Variants in ATM observed in about 807,000 individuals in gnomAD.
ATM encodes the protein ATM serine/threonine kinase.
Under a neutral mutation model 387.0 loss-of-function variants are expected in ATM, and 308 were observed. The observed-to-expected ratio is 0.80, with a 90% CI of 0.73 to 0.87. The LOEUF (loss-of-function observed/expected upper bound fraction) is 0.87, where lower values mean the gene tolerates loss of function less well. ATM is among the 40% of genes least tolerant of loss of function. The pLI, the probability that ATM is intolerant of heterozygous loss-of-function variation, is 0.00. For synonymous variants in ATM, 1,156 were observed against 1,187.3 expected (o/e 0.97, Z 0.54); for missense variants, 3,312 against 3,560.9 (o/e 0.93, Z 1.78).
intron 20 of ATM, among the ~76,000 whole-genome samples, chr11:108,271,782 A>G (rs2081597451): frequency 6.6e-6 from 1 of 152,254 alleles, no homozygotes; most frequent in South Asian, 2.1e-4. Context: ...TAACACCCTG[A>G]TACTTACAGA....
At chr11:108,224,143 A>C (rs1436835234) in intron 1 of ATM, 2 of 152,208 alleles carry the variant, frequency 1.3e-5, no homozygotes, top group African/African-American at 4.8e-5. Context: ...AGAGGTAGGT[A>C]CTAGTATTGT....
chr11:108,296,444 G>T (rs1477062717), intron 32 of ATM, among the ~76,000 whole-genome samples: 3 of 151,904 alleles, frequency 2.0e-5, no homozygotes, highest in East Asian at 3.9e-4. Context: ...TAGAGACGGG[G>T]TTTCACCATG....
chr11:108,334,678 A>T (rs1305440773), intron 54 of ATM, among the ~76,000 whole-genome samples: 4 of 152,236 alleles, frequency 2.6e-5, no homozygotes, highest in Admixed American at 2.6e-4. Flanking sequence ...TGCCAGATTT[A>T]GCAGTTATAA....
chr11:108,321,657 C>T (rs2085235481), intron 45 of ATM, among the ~76,000 whole-genome samples: 1 of 151,996 alleles, frequency 6.6e-6, no homozygotes, highest in Admixed American at 6.5e-5. Flanking sequence ...GTGGTGGGCG[C>T]CTGTAATCTC....
At chr11:108,305,448 C>T (rs1169295966) in intron 37 of ATM, among the ~76,000 whole-genome samples, 3 of 152,064 alleles carry the variant, frequency 2.0e-5, no homozygotes, top group East Asian at 3.9e-4. Context: ...GGCATGGTGG[C>T]AGGCGCCTAT....
intron 1 of ATM, chr11:108,223,736 A>C (rs1244890841): frequency 6.6e-6 from 1 of 152,228 alleles, no homozygotes; most frequent in East Asian, 1.9e-4. Context: ...GTGATAGGGG[A>C]GTACTCTGAT....
chr11:108,325,919 CAGAG>C (rs2085630035), intron 46 of ATM, 135 bp from the exon 47 acceptor site: 2 of 1,037,958 alleles, frequency 1.9e-6, no homozygotes, highest in South Asian at 1.4e-5. Context: ...GTCATGCAGA[CAGAG>C]AGGTCCTTAA....
chr11:108,329,389 G>C (rs997344419), intron 49 of ATM, 151 bp downstream of exon 49: 14 of 741,570 alleles, frequency 1.9e-5, no homozygotes, highest in Non-Finnish European at 2.8e-5. Context: ...TGGTCTTTTG[G>C]GTTCTTTTCG....
chr11:108,319,264 A>T (rs2085012390), intron 43 of ATM, among the ~76,000 whole-genome samples: 2 of 152,160 alleles, frequency 1.3e-5, no homozygotes, highest in African/African-American at 4.8e-5. Context: ...TATTTTAAAA[A>T]CCTTTTCCTG....
In ATM at chr11:108,332,855, A is replaced by G. The variant is rs587781370; in HGVS notation, c.7882A>G (p.Ile2628Val). Residue 2628 changes from isoleucine (I) to valine (V), a missense_variant, in exon 53 of 63, where the codon ATT becomes GTT. Ile to Val is a conservative substitution (Grantham distance 29). Coordinates refer to ENST00000675843, the MANE Select transcript of ATM (RefSeq NM_000051.4). ...RSVEALCDAY[I>V]ILANLDATQW... is the part of the protein sequence containing the mutation. ...TGTTGAGGCACTTTGTGATGCTTAT[A>G]TTATATTAGCAAACTTAGATGCCAC... The G allele has an allele frequency of 6.2e-7, 1 of 1,613,266 alleles. No individual in the cohort carries two copies. The highest frequency in any genetic ancestry group is 8.5e-7 in the Non-Finnish European group (1 of 1,179,656).
rs756453090 is a variant in ATM, at chr11:108,321,310, A to G, written c.6462A>G (p.Glu2154=). Residue 2154 remains glutamate (E), a synonymous_variant, in exon 45 of 63, where the codon GAA becomes GAG. Coordinates refer to ENST00000675843, the MANE Select transcript of ATM (RefSeq NM_000051.4). The part of the protein sequence containing the change: ...YESLKYARVK[E]VEEMCKRSLE... ...TCTTTTTTGCTACTAGAGTAAAAGA[A>G]GTGGAAGAGATGTGTAAGCGCAGCC... The G allele has an allele frequency of 6.2e-7, 1 of 1,614,160 alleles. No homozygotes were observed. Among genetic ancestry groups the G allele is most frequent in the African/African-American group, 1.3e-5 (1 of 75,056 alleles).
At chr11:108,248,903 G>GA (rs748234880) in intron 8 of ATM, 30 bp from the exon 9 acceptor site, 1 of 1,450,902 alleles carries the variant, frequency 6.9e-7, no homozygotes, top group Non-Finnish European at 9.3e-7. Flanking sequence ...AAAAAAAAAA[G>GA]AAAAAAGTGG....
intron 61 of ATM, among the ~76,000 whole-genome samples, chr11:108,359,342 T>C (rs960265573): frequency 6.6e-6 from 1 of 151,952 alleles, no homozygotes; most frequent in Admixed American, 6.6e-5. Context: ...CACACATTAA[T>C]AATGGGAGAC....
chr11:108,250,714 A>G lies in ATM; in HGVS notation c.1249A>G (p.Thr417Ala), dbSNP rs863224556. 6.2e-7 allele frequency: 1 copy of G among 1,605,088 alleles called. No individual in the cohort carries two copies. Among genetic ancestry groups the G allele is most frequent in the African/African-American group, 1.3e-5 (1 of 74,568 alleles). Residue 417 changes from threonine (T) to alanine (A), a missense_variant, in exon 10 of 63, where the codon ACC becomes GCC. Thr to Ala is a moderately conservative substitution (Grantham distance 58). This residue lies in a region of ATM where 1,791 missense variants were observed against 1,804.5 expected (regional missense o/e 0.99). Transcript: ENST00000675843. ...FDLVPWLQIATQLISKYPASL... is the reference protein window; with the variant it reads ...FDLVPWLQIAAQLISKYPASL... ...TTTTTTTTTTAGGCTACAGATTGCAACCCAATTAATATCAAAGTATCCTGC... is the reference window on the plus strand; with the variant it reads ...TTTTTTTTTTAGGCTACAGATTGCAGCCCAATTAATATCAAAGTATCCTGC...
At chr11:108,297,456 A>G (rs1565470440) in intron 33 of ATM, 74 bp downstream of exon 33, 12 of 1,226,710 alleles carry the variant, frequency 9.8e-6, no homozygotes, top group Non-Finnish European at 9.6e-6. Context: ...ATAATACTGT[A>G]TTTTTACTGT....
chr11:108,353,471 A>G (rs1031330811), intron 59 of ATM, among the ~76,000 whole-genome samples: 3 of 152,128 alleles, frequency 2.0e-5, no homozygotes, highest in South Asian at 2.1e-4. Context: ...ATATAAATAT[A>G]TCATCTCCAT....
chr11:108,334,706 A>G (rs1373921275), intron 54 of ATM, among the ~76,000 whole-genome samples: 1 of 152,164 alleles, frequency 6.6e-6, no homozygotes, highest in Non-Finnish European at 1.5e-5. Flanking sequence ...AACTCCTTCT[A>G]CTGTTTTCCA....
rs138526014 is a variant in ATM, at chr11:108,335,848, C to T, written c.8155C>T (p.Arg2719Cys). ...GKERRQLVKG[R>C]DDLRQDAVMQ... is the part of the protein sequence containing the mutation. Reference sequence around the variant, plus strand: ...TTCATGCTTAATTATTCTGAAGGGCCGTGATGACCTGAGACAAGATGCTGT... The same window carrying T: ...TTCATGCTTAATTATTCTGAAGGGCTGTGATGACCTGAGACAAGATGCTGT... The change falls in exon 56 of 63, where the codon CGT becomes TGT. Residue 2719 changes from arginine to cysteine, a missense_variant. Physicochemically the swap from Arg to Cys is radical, Grantham distance 180. Transcript: ENST00000675843. 1.2e-5 allele frequency: 20 copies of T among 1,611,848 alleles called. No individual in the cohort carries two copies. The highest frequency in any genetic ancestry group is 2.2e-5 in the South Asian group (2 of 91,006).
At chr11:108,236,955 G>A (rs1026777133) in intron 5 of ATM, among the ~76,000 whole-genome samples, 2 of 152,010 alleles carry the variant, frequency 1.3e-5, no homozygotes, top group South Asian at 2.1e-4. Flanking sequence ...TCTAATACAC[G>A]AACTCTAAAA....
Sources: gnomAD v4.1 joint callset for allele counts (sites outside exome capture counted in the v4.1 genomes callset) on GRCh38, gnomAD v4.1.1 for gene constraint, gnomAD v4.1.1 regional missense constraint, MANE v1.5 for transcripts, NCBI Gene and HGNC (gene_info 2026-07-23, HGNC 2026-07-21) for gene names.